Variants in PADI1 observed in about 807,000 individuals in gnomAD.
PADI1 encodes the protein protein-arginine deiminase type-1.
A neutral mutation model predicts 74.8 loss-of-function variants in PADI1; 65 were observed. The observed-to-expected ratio is 0.87, with a 90% CI of 0.71 to 1.07. PADI1 has a LOEUF of 1.07. Ranked by LOEUF, PADI1 falls within the 50% of genes least tolerant of loss-of-function variation. The pLI, the probability that PADI1 is intolerant of heterozygous loss-of-function variation, is 0.00. For missense variants in PADI1, 943 were observed against 854.0 expected (o/e 1.10, Z -1.30); for synonymous variants, 371 against 336.2 (o/e 1.10, Z -1.13).
At chr1:17,234,068 G>A (rs1406142017) in intron 11 of PADI1, among the ~76,000 whole-genome samples, 1 of 152,230 alleles carries the variant, frequency 6.6e-6, no homozygotes, top group Non-Finnish European at 1.5e-5. Flanking sequence ...AACCCGTGAG[G>A]AAGGAGCACA....
rs752721622 is a variant in PADI1, at chr1:17,239,830, A to AG, written c.1632+50dup. On this transcript the variant is annotated intron_variant, in intron 14 of 15. Transcript: ENST00000375471. ...TGCTCTAAGGGGTCCTTTCCCTTCC[A>AG]GGGAGAAGAAGCCCCAGGAACTGGG... The AG allele has an allele frequency of 3.5e-6, 5 of 1,448,292 alleles. No homozygotes were observed. The East Asian group carries it at 1.2e-4, about 34-fold the overall frequency. The allele number at this position is 1,448,292 out of a possible 1,614,324, so 89.7% of individuals were successfully genotyped here.
chr1:17,238,669 GAAGA>G lies in PADI1; in HGVS notation c.1518_1521del (p.Glu507ArgfsTer12). On this transcript the variant is annotated frameshift_variant, in exon 13 of 16. Coordinates refer to ENST00000375471, the MANE Select transcript of PADI1 (RefSeq NM_013358.3). LOFTEE classifies it high-confidence loss of function. Reference sequence around the variant, plus strand: ...GCGCTTGCCTCAAACTCTTCCAAGAGAAGAAAGAAGAGGGTTATGGGGAGGCAGC... The same window carrying G: ...GCGCTTGCCTCAAACTCTTCCAAGAGAAGAAGAGGGTTATGGGGAGGCAGC... The G allele has an allele frequency of 6.4e-7, 1 of 1,556,438 alleles. No homozygotes were observed.
At position 17,244,240 on chromosome 1, in the gene PADI1, C is replaced by T; in HGVS notation, c.1989C>T (p.Pro663=). 1 of 1,612,052 alleles carries T rather than the reference C, an allele frequency of 6.2e-7. No homozygotes were observed. The highest frequency in any genetic ancestry group is 8.5e-7 in the Non-Finnish European group (1 of 1,178,090). Residue 663 remains proline, a synonymous_variant, in exon 16 of 16, where the codon CCC becomes CCT. Transcript: ENST00000375471. ...CCTTCAAATGGTGGAACATGGTGCC[C>T]TGAGCCTGCCCCCACCCGCCATCCT... ...PFPFKWWNMV[P] is the part of the protein sequence containing the mutation.
chr1:17,237,550 C>G lies in PADI1; in HGVS notation c.1458+92C>G, dbSNP rs964841349. On this transcript the variant is annotated intron_variant, in intron 12 of 15. Coordinates refer to ENST00000375471, the MANE Select transcript of PADI1 (RefSeq NM_013358.3). ...CAAAGCCATCTGGAACCAGCTCAAC[C>G]CTGTGCCCCGAGTAAGCTCTGGATT... The G allele has an allele frequency of 3.9e-6, 5 of 1,267,372 alleles. No homozygotes were observed. In the African/African-American group the frequency reaches 4.6e-5, roughly 12 times the overall value. 78.5% of individuals were successfully genotyped at this position (1,267,372 alleles called of 1,614,324 possible).
intron 1 of PADI1, among the ~76,000 whole-genome samples, chr1:17,208,840 G>A (rs892457849): frequency 2.0e-5 from 3 of 152,234 alleles, no homozygotes; most frequent in Non-Finnish European, 4.4e-5. Flanking sequence ...ACTGCCCAGA[G>A]GCCAGAACCA....
chr1:17,212,771 C>CCG (rs2071866809), intron 1 of PADI1, among the ~76,000 whole-genome samples: 2 of 152,300 alleles, frequency 1.3e-5, no homozygotes, highest in African/African-American at 2.4e-5. Context: ...GACCCAAGGC[C>CCG]TATGCTATGC....
rs1336338813 is a variant in PADI1 at position 17,245,824 on chromosome 1, G to A, written c.*1581G>A. ...GGGGTTGGGACTCCCCTGAGAAAGA[G>A]CTGTGGGTAGGAAGGGAGTGAGCAT... is the stretch of plus-strand genomic sequence containing the variant. On this transcript the variant is annotated 3_prime_UTR_variant, in exon 16 of 16. Coordinates refer to ENST00000375471, the MANE Select transcript of PADI1 (RefSeq NM_013358.3). This position sits in a 1 kb window ranked among gnomAD's most constrained non-coding sequence, Gnocchi z 4.1. The A allele has an allele frequency of 6.6e-6, 1 of 152,574 alleles. No individual in the cohort carries two copies. The highest frequency in any genetic ancestry group is 1.5e-5 in the Non-Finnish European group (1 of 68,366). The allele number at this position is 152,574 out of a possible 1,614,324, so 9.5% of individuals were successfully genotyped here.
chr1:17,212,339 G>A (rs753938559), intron 1 of PADI1, among the ~76,000 whole-genome samples: 1 of 152,178 alleles, frequency 6.6e-6, no homozygotes, highest in Non-Finnish European at 1.5e-5. Flanking sequence ...CTGCTCTTCA[G>A]CCTTTTCGTC....
At chr1:17,227,583 T>TAAATA (rs1557468652) in intron 6 of PADI1, among the ~76,000 whole-genome samples, 1 of 146,872 alleles carries the variant, frequency 6.8e-6, no homozygotes. Context: ...ATAAATAAAT[T>TAAATA]ACCACTCCTT....
At chr1:17,227,847 G>A (rs970344472) in intron 6 of PADI1, among the ~76,000 whole-genome samples, 4 of 152,216 alleles carry the variant, frequency 2.6e-5, no homozygotes, top group South Asian at 2.1e-4. Flanking sequence ...CTCTCTTGCC[G>A]TGTGCAGCCA....
intron 1 of PADI1, among the ~76,000 whole-genome samples, chr1:17,208,300 A>G (rs2071733066): frequency 6.6e-6 from 1 of 152,118 alleles, no homozygotes; most frequent in Non-Finnish European, 1.5e-5. Context: ...GTTTGGGGTA[A>G]TTGTGTGCCC....
chr1:17,215,781 A>T (rs2071961581), intron 1 of PADI1, among the ~76,000 whole-genome samples: 2 of 152,232 alleles, frequency 1.3e-5, no homozygotes, highest in South Asian at 4.1e-4. Flanking sequence ...ACTAAGCTGG[A>T]TGCAGAGATG....
At chr1:17,241,523 C>G (rs1384030194) in intron 15 of PADI1, among the ~76,000 whole-genome samples, 1 of 139,458 alleles carries the variant, frequency 7.2e-6, no homozygotes, top group Non-Finnish European at 1.5e-5. Flanking sequence ...GGGATGGAAT[C>G]AGGGTTGGAA....
intron 1 of PADI1, among the ~76,000 whole-genome samples, chr1:17,211,484 G>A (rs947704903): frequency 6.6e-6 from 1 of 152,190 alleles, no homozygotes; most frequent in Non-Finnish European, 1.5e-5. Context: ...AGTGCTCACT[G>A]CACCATCTCA....
intron 1 of PADI1, among the ~76,000 whole-genome samples, chr1:17,214,820 G>A (rs764561181): frequency 7.9e-5 from 12 of 152,334 alleles, no homozygotes; most frequent in South Asian, 2.1e-4. Flanking sequence ...TATAAGCCCC[G>A]TCTCCCAGCC....
rs752552015 is a variant in PADI1 at position 17,224,357 on chromosome 1, C to T, written c.347-10C>T. ...TGAGCCCCTGGCAGCCCCTCTCCAT[C>T]TCTTTGCAGATATTTCCCTTGAGGT... On this transcript the variant is annotated splice_polypyrimidine_tract_variant and intron_variant, in intron 3 of 15. Coordinates refer to ENST00000375471, the MANE Select transcript of PADI1 (RefSeq NM_013358.3). The T allele has an allele frequency of 1.9e-6, 3 of 1,613,108 alleles. No individual in the cohort carries two copies. Among genetic ancestry groups the T allele is most frequent in the Non-Finnish European group, 8.5e-7 (1 of 1,179,342 alleles).
chr1:17,230,262 G>C, intron 9 of PADI1, 54 bp downstream of exon 9: 2 of 1,586,068 alleles, frequency 1.3e-6, no homozygotes, highest in Non-Finnish European at 1.7e-6. Flanking sequence ...GGAAAGGGAA[G>C]CCGCACAGGT....
Position 17,244,723 on chromosome 1 carries a change from C to T in PADI1, c.*480C>T, listed in dbSNP as rs567398825. The T allele has an allele frequency of 6.6e-5, 23 of 347,482 alleles. No individual in the cohort carries two copies. In the East Asian group the frequency reaches 1.1e-3, roughly 17 times the overall value. The allele number at this position is 347,482 out of a possible 1,614,324, so 21.5% of individuals were successfully genotyped here. A position where few individuals can be genotyped will look rare whatever the true frequency, so the allele number is the denominator to read the frequency against. ...AAGGGGATCAGAAACATCCTCTCCCCGCTCTAGGTTTCTTCTCCCAAAGGG... is the reference window on the plus strand; with the variant it reads ...AAGGGGATCAGAAACATCCTCTCCCTGCTCTAGGTTTCTTCTCCCAAAGGG... On this transcript the variant is annotated 3_prime_UTR_variant, in exon 16 of 16. Transcript: ENST00000375471.
chr1:17,231,316 C>A (rs1177914380), intron 10 of PADI1, among the ~76,000 whole-genome samples: 1 of 152,162 alleles, frequency 6.6e-6, no homozygotes, highest in Non-Finnish European at 1.5e-5. Flanking sequence ...GGCCATGCAG[C>A]AAGTTAATAG....
Sources: allele counts gnomAD v4.1 joint callset (sites outside exome capture counted in the v4.1 genomes callset), GRCh38; gene constraint gnomAD v4.1.1; non-coding constraint Gnocchi (gnomAD v3.1); transcripts MANE v1.5; gene names NCBI Gene and HGNC (gene_info 2026-07-23, HGNC 2026-07-21).